The following ERICH3 variants were observed in gnomAD, a reference collection of about 807,000 sequenced individuals.
ERICH3 encodes the protein glutamate-rich protein 3.
Under a neutral mutation model 131.1 loss-of-function variants are expected in ERICH3, and 126 were observed. That is an observed-to-expected ratio of 0.96 (90% CI 0.83 to 1.11). The LOEUF (loss-of-function observed/expected upper bound fraction) is 1.11, where lower values mean the gene tolerates loss of function less well. Among genes scored for constraint, ERICH3 ranks in the 50% most tolerant of loss-of-function variants. The pLI is 0.00. For synonymous variants in ERICH3, 695 were observed against 644.6 expected, an observed-to-expected ratio of 1.08 and a Z score of -1.18; for missense variants, 2,050 against 1,810.7, an observed-to-expected ratio of 1.13 and a Z score of -2.40.
intron 7 of ERICH3, among the ~76,000 whole-genome samples, chr1:74,629,072 A>G (rs1352979064): frequency 6.6e-6 from 1 of 152,144 alleles, no homozygotes; most frequent in Non-Finnish European, 1.5e-5. Context: ...AACATATATT[A>G]GCTCACAAAG....
Position 74,673,527 on chromosome 1 carries a change from G to C in ERICH3, c.-8C>G. 6.2e-7 allele frequency: 1 copy of C among 1,613,244 alleles called. No homozygotes were observed. The highest frequency in any genetic ancestry group is 8.5e-7 in the Non-Finnish European group (1 of 1,179,786). On this transcript the variant is annotated 5_prime_UTR_variant, in exon 1 of 15. Transcript: ENST00000326665. ...GGGGTGAGAATGGCTCATTTTTGCA[G>C]GATCCCTTTTGGACCCCGCGGCAGG... is the stretch of plus-strand genomic sequence containing the variant.
rs765565432 is a variant in ERICH3, at chr1:74,620,776, C to T, written c.958G>A (p.Gly320Arg). ...CCTTTGTAGACACAAAGGTTTTCCCCACCACAGTGCTGCTGATAAACTTTA... is the reference window on the plus strand; with the variant it reads ...CCTTTGTAGACACAAAGGTTTTCCCTACCACAGTGCTGCTGATAAACTTTA... Reference protein sequence around the residue: ...EIKVYQQHCGGENLCVYKGKL... With the variant: ...EIKVYQQHCGRENLCVYKGKL... The change falls in exon 8 of 15, where the codon GGG becomes AGG. Residue 320 changes from glycine to arginine, a missense_variant. By Grantham distance (125) the Gly-to-Arg change is moderately radical. Coordinates refer to ENST00000326665, the MANE Select transcript of ERICH3 (RefSeq NM_001002912.5). 2 of 1,611,282 alleles carry T rather than the reference C, an allele frequency of 1.2e-6. No individual in the cohort carries two copies. Among genetic ancestry groups the T allele is most frequent in the Non-Finnish European group, 1.7e-6 (2 of 1,179,098 alleles).
chr1:74,604,613 C>A (rs1390173702), intron 10 of ERICH3, among the ~76,000 whole-genome samples: 2 of 151,926 alleles, frequency 1.3e-5, no homozygotes, highest in Non-Finnish European at 2.9e-5. Context: ...GTGAAAACAA[C>A]ATTATCGCAC....
chr1:74,668,977 G>T lies in ERICH3; in HGVS notation c.23+4520C>A, dbSNP rs114379349. ...AAGTACATCCCAGTTTGCTAACTCG[G>T]GAGGCAAGAAACGTATGCTACTTAA... On this transcript the variant is annotated intron_variant, in intron 1 of 14. Coordinates refer to ENST00000326665, the MANE Select transcript of ERICH3 (RefSeq NM_001002912.5). Among the ~76,000 whole-genome samples, 312 of 152,236 alleles carry T rather than the reference G, an allele frequency of 2.0e-3. 1 individual carries two copies. The highest frequency in any genetic ancestry group is 6.8e-3 in the African/African-American group (284 of 41,556).
At chr1:74,646,846 T>G in intron 2 of ERICH3, 54 bp from the exon 3 acceptor site, 1 of 1,094,064 alleles carries the variant, frequency 9.1e-7, no homozygotes, top group African/African-American at 1.7e-5. Flanking sequence ...AATGTGGTGT[T>G]AGTTTCCAAA....
At chr1:74,639,664 G>T (rs1166628078) in intron 5 of ERICH3, among the ~76,000 whole-genome samples, 1 of 152,134 alleles carries the variant, frequency 6.6e-6, no homozygotes, top group Admixed American at 6.6e-5. Context: ...CCAAGCATAT[G>T]CAGAATTAGC....
chr1:74,579,415 A>G (rs1647136443), intron 12 of ERICH3: 2 of 985,308 alleles, frequency 2.0e-6, no homozygotes, highest in Admixed American at 6.2e-5. Flanking sequence ...CAGAAATGAT[A>G]GTGAAGCTTG....
chr1:74,579,565 G>A, intron 12 of ERICH3: 2 of 985,348 alleles, frequency 2.0e-6, no homozygotes. Flanking sequence ...TGGGATGCTG[G>A]CCTAAGTATC....
intron 11 of ERICH3, chr1:74,591,827 A>T (rs1283812045): frequency 6.6e-6 from 1 of 152,118 alleles, no homozygotes; most frequent in Non-Finnish European, 1.5e-5. Context: ...TGTTTTTTTT[A>T]TACTTCCAAA....
At chr1:74,604,589 T>C (rs1245499216) in intron 10 of ERICH3, among the ~76,000 whole-genome samples, 2 of 152,070 alleles carry the variant, frequency 1.3e-5, no homozygotes, top group Middle Eastern at 3.4e-3. Context: ...AGAATGGATG[T>C]TGTGTTAGCA....
At chr1:74,604,747 A>G (rs1252583666) in intron 10 of ERICH3, among the ~76,000 whole-genome samples, 1 of 151,954 alleles carries the variant, frequency 6.6e-6, no homozygotes, top group East Asian at 1.9e-4. Context: ...TCTGCAAACC[A>G]TGCTGTAAAT....
At chr1:74,634,017 C>A (rs1019793765) in intron 6 of ERICH3, among the ~76,000 whole-genome samples, 3 of 152,056 alleles carry the variant, frequency 2.0e-5, no homozygotes, top group Non-Finnish European at 4.4e-5. Context: ...TAGCAAAGTT[C>A]AACCTACTTC....
intron 5 of ERICH3, among the ~76,000 whole-genome samples, chr1:74,639,524 T>G (rs188952011): frequency 6.6e-6 from 1 of 152,196 alleles, no homozygotes; most frequent in Non-Finnish European, 1.5e-5. Flanking sequence ...TTTCTTGGAA[T>G]AAATATGGCA....
intron 1 of ERICH3, among the ~76,000 whole-genome samples, chr1:74,672,495 T>G (rs1298826835): frequency 6.6e-6 from 1 of 152,210 alleles, no homozygotes; most frequent in Non-Finnish European, 1.5e-5. Flanking sequence ...CATTAAAAAG[T>G]AAAATCTTGA....
chr1:74,601,446 T>C (rs956449036), intron 10 of ERICH3, among the ~76,000 whole-genome samples: 3 of 151,928 alleles, frequency 2.0e-5, no homozygotes, highest in African/African-American at 7.2e-5. Context: ...GTACTCACTT[T>C]GTAGTAGTTT....
chr1:74,665,493 T>C (rs1031181638), intron 1 of ERICH3, among the ~76,000 whole-genome samples: 1 of 152,214 alleles, frequency 6.6e-6, no homozygotes, highest in Non-Finnish European at 1.5e-5. Flanking sequence ...CATCAACAGC[T>C]ACAAACAGGT....
chr1:74,573,351 C>T lies in ERICH3; in HGVS notation c.2359G>A (p.Asp787Asn). ...GCCTCCCCTTTTCCCTGTACTATGT[C>T]AGCATCTCTGTGCTGGGGCGCTTCA... ...EDEAPQHRDA[D>N]IVQGKGEAAL... Residue 787 changes from aspartate to asparagine, a missense_variant, in exon 14 of 15, where the codon GAC (aspartate) becomes AAC (asparagine). Transcript: ENST00000326665. The T allele has an allele frequency of 6.2e-7, 1 of 1,611,764 alleles. No homozygotes were observed. Among genetic ancestry groups the T allele is most frequent in the Non-Finnish European group, 8.5e-7 (1 of 1,179,166 alleles).
chr1:74,572,355 G>A lies in ERICH3; in HGVS notation c.3355C>T (p.Pro1119Ser). Reference sequence around the variant, plus strand: ...TCAGCATCAGATCCCATTTCATTTGGGGGAGCTTTTGTCTCTTCCTCAGCT... The same window carrying A: ...TCAGCATCAGATCCCATTTCATTTGAGGGAGCTTTTGTCTCTTCCTCAGCT... ...VRAEEETKAPPNEMGSDAENE... is the reference protein window; with the variant it reads ...VRAEEETKAPSNEMGSDAENE... The change falls in exon 14 of 15, where the codon CCA (proline) becomes TCA (serine). Residue 1119 changes from proline (P) to serine (S), a missense_variant. Physicochemically the swap from Pro to Ser is moderately conservative, Grantham distance 74. Coordinates refer to ENST00000326665, the MANE Select transcript of ERICH3 (RefSeq NM_001002912.5). 1 of 1,613,718 alleles carries A rather than the reference G, an allele frequency of 6.2e-7. No homozygotes were observed. The highest frequency in any genetic ancestry group is 8.5e-7 in the Non-Finnish European group (1 of 1,179,966).
chr1:74,590,994 A>G (rs914374050), intron 11 of ERICH3, among the ~76,000 whole-genome samples: 2 of 152,170 alleles, frequency 1.3e-5, no homozygotes, highest in East Asian at 3.9e-4. Flanking sequence ...ATTTCATTCT[A>G]TCACCACAGT....
Sources: allele counts gnomAD v4.1 joint callset (sites outside exome capture counted in the v4.1 genomes callset), GRCh38; gene constraint gnomAD v4.1.1; transcripts MANE v1.5; gene names NCBI Gene and HGNC (gene_info 2026-07-23, HGNC 2026-07-21).